Variants in CSMD1 observed in about 807,000 individuals in gnomAD.
CSMD1 encodes CUB and Sushi multiple domains 1.
Under a neutral mutation model 417.5 loss-of-function variants are expected in CSMD1, and 213 were observed. The observed-to-expected ratio is 0.51, with a 90% CI of 0.46 to 0.57. CSMD1 has a LOEUF of 0.57. CSMD1 is among the 20% of genes least tolerant of loss of function. The pLI is 0.00. For missense variants in CSMD1, 6,923 were observed against 4,529.7 expected, an observed-to-expected ratio of 1.53 and a Z score of -15.17; for synonymous variants, 2,862 against 1,736.8, an observed-to-expected ratio of 1.65 and a Z score of -16.11.
At chr8:3,338,949 A>G (rs973708349) in intron 23 of CSMD1, among the ~76,000 whole-genome samples, 4 of 150,846 alleles carry the variant, frequency 2.7e-5, no homozygotes, top group Admixed American at 1.3e-4. Flanking sequence ...CTCGTCATCT[A>G]GCATTACGTA....
At chr8:4,166,051 T>C (rs921079844) in intron 3 of CSMD1, among the ~76,000 whole-genome samples, 1 of 152,206 alleles carries the variant, frequency 6.6e-6, no homozygotes, top group East Asian at 1.9e-4. Context: ...ATGCTCACAC[T>C]TTAATAAGTG....
intron 1 of CSMD1, among the ~76,000 whole-genome samples, chr8:4,647,382 GT>G (rs1803589204): frequency 6.6e-6 from 1 of 151,018 alleles, no homozygotes; most frequent in Admixed American, 6.6e-5. Flanking sequence ...GTAGGTACGC[GT>G]GTGCCACGGA....
chr8:3,178,321 G>A (rs1017627479), intron 37 of CSMD1, among the ~76,000 whole-genome samples: 6 of 151,974 alleles, frequency 3.9e-5, no homozygotes, highest in African/African-American at 1.4e-4. Flanking sequence ...GATAGAAGTA[G>A]ATGTAGATAA....
At chr8:3,814,539 C>T (rs1486819839) in intron 5 of CSMD1, among the ~76,000 whole-genome samples, 2 of 152,160 alleles carry the variant, frequency 1.3e-5, no homozygotes, top group East Asian at 3.9e-4. Flanking sequence ...CCTGGAGACG[C>T]CTGTGGTTGT....
At chr8:4,147,946 T>G (rs1198179274) in intron 3 of CSMD1, among the ~76,000 whole-genome samples, 1 of 151,994 alleles carries the variant, frequency 6.6e-6, no homozygotes, top group Non-Finnish European at 1.5e-5. Flanking sequence ...GTGCACCAGG[T>G]AGAAACCCAC....
chr8:3,765,555 T>G (rs1436265730), intron 5 of CSMD1, among the ~76,000 whole-genome samples: 1 of 152,236 alleles, frequency 6.6e-6, no homozygotes. Flanking sequence ...CTGTATGCAC[T>G]AAAGCCTTAA....
chr8:3,828,838 C>G (rs1802206188), intron 5 of CSMD1, among the ~76,000 whole-genome samples: 1 of 152,082 alleles, frequency 6.6e-6, no homozygotes, highest in Non-Finnish European at 1.5e-5. Context: ...GATTGCAAAA[C>G]TCCACGAGAT....
chr8:4,329,027 C>G (rs796327222), intron 3 of CSMD1, among the ~76,000 whole-genome samples: 1 of 152,112 alleles, frequency 6.6e-6, no homozygotes, highest in Non-Finnish European at 1.5e-5. Context: ...CATCAATCTT[C>G]CTTTGTAAGT....
chr8:3,518,121 C>A (rs1797357231), intron 10 of CSMD1, among the ~76,000 whole-genome samples: 1 of 151,002 alleles, frequency 6.6e-6, no homozygotes, highest in Non-Finnish European at 1.5e-5. Context: ...AACTACAAAA[C>A]AATATTAACT....
chr8:3,906,999 G>T (rs1386371306), intron 5 of CSMD1, among the ~76,000 whole-genome samples: 1 of 152,162 alleles, frequency 6.6e-6, no homozygotes, highest in Non-Finnish European at 1.5e-5. Context: ...TTGTAAGAAG[G>T]TCTTCATATT....
At chr8:3,770,946 A>T (rs1264852564) in intron 5 of CSMD1, among the ~76,000 whole-genome samples, 1 of 152,140 alleles carries the variant, frequency 6.6e-6, no homozygotes, top group Non-Finnish European at 1.5e-5. Context: ...CGAATTCAAT[A>T]GGAGGTAAGC....
intron 3 of CSMD1, among the ~76,000 whole-genome samples, chr8:4,126,682 A>G (rs1331396725): frequency 6.6e-6 from 1 of 152,096 alleles, no homozygotes; most frequent in Non-Finnish European, 1.5e-5. Flanking sequence ...AGGGTTTATT[A>G]ATCATTGGTT....
At chr8:4,752,871 G>A (rs1412978076) in intron 1 of CSMD1, among the ~76,000 whole-genome samples, 2 of 152,178 alleles carry the variant, frequency 1.3e-5, no homozygotes, top group African/African-American at 4.8e-5. Flanking sequence ...AGATCAGCAT[G>A]TCTTTTCTCC....
chr8:3,358,566 AT>A, intron 21 of CSMD1, among the ~76,000 whole-genome samples: 1 of 152,158 alleles, frequency 6.6e-6, no homozygotes, highest in Non-Finnish European at 1.5e-5. Flanking sequence ...CTAGTACTTC[AT>A]GGCAAAGTAC....
At chr8:4,255,038 G>A (rs985872190) in intron 3 of CSMD1, among the ~76,000 whole-genome samples, 2 of 152,150 alleles carry the variant, frequency 1.3e-5, no homozygotes, top group Non-Finnish European at 2.9e-5. Flanking sequence ...GTACCATAGA[G>A]GAGTTGATCA....
intron 50 of CSMD1, among the ~76,000 whole-genome samples, chr8:3,034,489 A>G (rs1389767597): frequency 6.6e-6 from 1 of 152,190 alleles, no homozygotes; most frequent in Non-Finnish European, 1.5e-5. Context: ...TTCTGTCTTG[A>G]GGTACAAATA....
intron 12 of CSMD1, among the ~76,000 whole-genome samples, chr8:3,423,335 T>C (rs1813616074): frequency 2.6e-5 from 4 of 152,220 alleles, no homozygotes; most frequent in African/African-American, 9.6e-5. Context: ...GTCCATTTTT[T>C]CTCCCTTTCC....
intron 5 of CSMD1, among the ~76,000 whole-genome samples, chr8:3,994,812 A>G (rs1815074297): frequency 6.6e-6 from 1 of 152,232 alleles, no homozygotes; most frequent in African/African-American, 2.4e-5. Context: ...TCCAAATTAA[A>G]TGAAAATAAG....
At chr8:3,368,989 C>A (rs879901697) in intron 19 of CSMD1, among the ~76,000 whole-genome samples, 18 of 152,084 alleles carry the variant, frequency 1.2e-4, no homozygotes, top group African/African-American at 4.3e-4. Context: ...TTCCTTACCA[C>A]GATAGCTATA....
Sources: allele counts gnomAD v4.1 joint callset (sites outside exome capture counted in the v4.1 genomes callset), GRCh38; gene constraint gnomAD v4.1.1; transcripts MANE v1.5; gene names NCBI Gene and HGNC (gene_info 2026-07-23, HGNC 2026-07-21).